XIRP2: variants seen among roughly 807,000 people sequenced by gnomAD.
The protein encoded by XIRP2 is xin actin-binding repeat-containing protein 2.
Under a neutral mutation model 277.0 loss-of-function variants are expected in XIRP2, and 236 were observed. That is an observed-to-expected ratio of 0.85 (90% confidence interval 0.77 to 0.95). The LOEUF (loss-of-function observed/expected upper bound fraction) is 0.95, where lower values mean the gene tolerates loss of function less well. Among genes scored for constraint, XIRP2 ranks in the 40% least tolerant of loss-of-function variants. XIRP2 has a pLI of 0.00. For synonymous variants in XIRP2, 1,490 were observed against 1,416.5 expected, an observed-to-expected ratio of 1.05 and a Z score of -1.17; for missense variants, 4,640 against 4,157.5, an observed-to-expected ratio of 1.12 and a Z score of -3.19.
intron 2 of XIRP2, among the ~76,000 whole-genome samples, chr2:167,131,688 T>A (rs779863107): frequency 5.3e-5 from 8 of 152,200 alleles, no homozygotes; most frequent in Non-Finnish European, 1.2e-4. Flanking sequence ...TTTTCAAGGC[T>A]TGGTTCTGGA....
chr2:167,108,833 GT>G (rs112985241), intron 2 of XIRP2, among the ~76,000 whole-genome samples: 6,878 of 144,752 alleles, frequency 0.048, 226 homozygotes, highest in African/African-American at 0.094. Context: ...GTTTTGTTGT[GT>G]TTTTTTTTTG....
intron 3 of XIRP2, among the ~76,000 whole-genome samples, chr2:167,173,210 G>C (rs1027050710): frequency 2.0e-5 from 3 of 152,116 alleles, no homozygotes; most frequent in Non-Finnish European, 4.4e-5. Flanking sequence ...CTGTCAAATA[G>C]TTCCTATTAA....
intron 3 of XIRP2, among the ~76,000 whole-genome samples, chr2:167,175,404 G>T (rs1383720098): frequency 6.6e-6 from 1 of 152,096 alleles, no homozygotes; most frequent in African/African-American, 2.4e-5. Flanking sequence ...TCTGCTGCAG[G>T]TGTGCTGGAG....
At chr2:166,922,527 A>G (rs1290811858) in intron 2 of XIRP2, among the ~76,000 whole-genome samples, 2 of 152,054 alleles carry the variant, frequency 1.3e-5, no homozygotes, top group Non-Finnish European at 2.9e-5. Flanking sequence ...TTTGGCTAGC[A>G]AAATGGCTTG....
intron 2 of XIRP2, among the ~76,000 whole-genome samples, chr2:167,132,607 G>C (rs6432977): frequency 0.25 from 37,428 of 151,804 alleles, 6,475 homozygotes; most frequent in African/African-American, 0.48. Context: ...GGTGCTGCAG[G>C]CCTTTGTGAT....
At chr2:166,999,702 A>C (rs902848861) in intron 2 of XIRP2, among the ~76,000 whole-genome samples, 8 of 152,160 alleles carry the variant, frequency 5.3e-5, no homozygotes, top group Non-Finnish European at 1.2e-4. Context: ...TTTCAAATCT[A>C]CAGTCTTACA....
chr2:167,029,617 A>G (rs977920010), intron 2 of XIRP2, among the ~76,000 whole-genome samples: 4 of 152,086 alleles, frequency 2.6e-5, no homozygotes, highest in Admixed American at 2.6e-4. Flanking sequence ...CCAGTATTTT[A>G]TTGAGAATTT....
chr2:167,071,208 T>C (rs191703201), intron 2 of XIRP2, among the ~76,000 whole-genome samples: 1 of 152,308 alleles, frequency 6.6e-6, no homozygotes, highest in East Asian at 1.9e-4. Context: ...AGTGTGAACA[T>C]ATGTGACATA....
intron 2 of XIRP2, among the ~76,000 whole-genome samples, chr2:166,917,712 GCATTCTTTGA>G (rs1217138779): frequency 6.6e-6 from 1 of 152,088 alleles, no homozygotes; most frequent in Non-Finnish European, 1.5e-5. Flanking sequence ...TCATGGATTG[GCATTCTTTGA>G]CATTTTACTC....
At chr2:166,940,506 G>A (rs1320171313) in intron 2 of XIRP2, among the ~76,000 whole-genome samples, 1 of 152,194 alleles carries the variant, frequency 6.6e-6, no homozygotes, top group Non-Finnish European at 1.5e-5. Flanking sequence ...TGTTCCTTTG[G>A]AGGTGGAGAG....
chr2:167,086,647 T>A (rs998455382), intron 2 of XIRP2, among the ~76,000 whole-genome samples: 8 of 152,058 alleles, frequency 5.3e-5, no homozygotes, highest in African/African-American at 1.7e-4. Flanking sequence ...CATTTCTTTT[T>A]ATTGTTTTTT....
intron 2 of XIRP2, among the ~76,000 whole-genome samples, chr2:167,039,829 C>T (rs147501099): frequency 1.4e-4 from 22 of 152,136 alleles, no homozygotes; most frequent in South Asian, 4.1e-4. Context: ...AGTTTGGTAA[C>T]GTATTCAAAT....
intron 2 of XIRP2, among the ~76,000 whole-genome samples, chr2:167,053,779 A>G (rs1688974912): frequency 6.6e-6 from 1 of 152,192 alleles, no homozygotes; most frequent in African/African-American, 2.4e-5. Context: ...GCCCTTTGAC[A>G]TCTTACATTC....
intron 2 of XIRP2, among the ~76,000 whole-genome samples, chr2:167,009,931 A>T (rs1330999022): frequency 1.3e-5 from 2 of 151,718 alleles, no homozygotes; most frequent in Admixed American, 6.6e-5. Context: ...TTTCTTGTAA[A>T]TTTGTTTGAG....
chr2:167,009,106 A>C (rs1004334091), intron 2 of XIRP2, among the ~76,000 whole-genome samples: 8 of 151,746 alleles, frequency 5.3e-5, no homozygotes, highest in African/African-American at 1.7e-4. Context: ...GTACATGTGC[A>C]CAATGTGCAG....
At chr2:167,168,780 A>G (rs1162487753) in intron 3 of XIRP2, among the ~76,000 whole-genome samples, 1 of 151,902 alleles carries the variant, frequency 6.6e-6, no homozygotes, top group South Asian at 2.1e-4. Flanking sequence ...ACGCCCGGCT[A>G]ATTTTTTGTA....
chr2:167,167,185 C>A (rs1445711671), intron 3 of XIRP2, among the ~76,000 whole-genome samples: 2 of 151,926 alleles, frequency 1.3e-5, no homozygotes, highest in Non-Finnish European at 2.9e-5. Context: ...ACATGGTATA[C>A]CTTTCTTTAT....
chr2:167,211,817 C>A (rs748093497), intron 4 of XIRP2, among the ~76,000 whole-genome samples: 8 of 152,188 alleles, frequency 5.3e-5, no homozygotes, highest in South Asian at 2.1e-4. Context: ...TCAGTAAGAC[C>A]ACCAATTTTT....
At chr2:167,028,488 A>T (rs1688237118) in intron 2 of XIRP2, among the ~76,000 whole-genome samples, 1 of 152,096 alleles carries the variant, frequency 6.6e-6, no homozygotes, top group African/African-American at 2.4e-5. Context: ...TGTAAGAGTC[A>T]CAGTGTTACT....
Sources: allele counts gnomAD v4.1 joint callset (sites outside exome capture counted in the v4.1 genomes callset), GRCh38; gene constraint gnomAD v4.1.1; transcripts MANE v1.5; gene names NCBI Gene and HGNC (gene_info 2026-07-23, HGNC 2026-07-21).